The following LPIN2 variants were observed in gnomAD, a reference collection of about 807,000 sequenced individuals.
The protein encoded by LPIN2 is phosphatidate phosphatase LPIN2.
In LPIN2, 55 loss-of-function variants were observed where a neutral mutation model predicts 111.4. The observed-to-expected ratio is 0.49, with a 90% CI of 0.40 to 0.62. The LOEUF is 0.62. LPIN2 is among the 20% of genes least tolerant of loss of function. The pLI is 0.00. For synonymous variants in LPIN2, 425 were observed against 414.0 expected, an observed-to-expected ratio of 1.03 and a Z score of -0.32; for missense variants, 992 against 1,112.1, an observed-to-expected ratio of 0.89 and a Z score of 1.54.
In LPIN2 at chr18:2,928,625, A is replaced by C; in HGVS notation, c.1586T>G (p.Leu529Arg). 6.2e-7 allele frequency: 1 copy of C among 1,613,352 alleles called. No homozygotes were observed. Among genetic ancestry groups the C allele is most frequent in the Non-Finnish European group, 8.5e-7 (1 of 1,179,460 alleles). The change falls in exon 11 of 20, where the codon CTT becomes CGT. Residue 529 changes from leucine to arginine, a missense_variant. Leu to Arg is a moderately radical substitution (Grantham distance 102). Transcript: ENST00000677752. ...YNWALAAPMI[L>R]SLQVFQKSLP... The stretch of plus-strand genomic sequence containing the variant: ...GCTCTTCTGGAATACTTGCAAGCTA[A>C]GGATCATGGGAGCTGCCAAAGCCCA...
At position 2,940,678 on chromosome 18, in the gene LPIN2, A is replaced by G; in HGVS notation, c.625T>C (p.Cys209Arg). The change falls in exon 5 of 20, where the codon TGT becomes CGT. Residue 209 changes from cysteine to arginine, a missense_variant. Cys to Arg is a radical substitution (Grantham distance 180). This residue lies in a region of LPIN2 where 709 missense variants were observed against 753.2 expected (regional missense o/e 0.94). Coordinates refer to ENST00000677752, the MANE Select transcript of LPIN2 (RefSeq NM_001375808.2). ...GAATGGAAGAGCAAAGGCTCTTTAC[A>G]TTCTTCTTCTTTCAAGGAAGCATTT... ...SSNASLKEEECKEPLLFHSGD... is the reference protein window; with the variant it reads ...SSNASLKEEERKEPLLFHSGD... 1 of 1,613,366 alleles carries G rather than the reference A, an allele frequency of 6.2e-7. No homozygotes were observed. The highest frequency in any genetic ancestry group is 1.1e-5 in the South Asian group (1 of 91,078).
intron 1 of LPIN2, among the ~76,000 whole-genome samples, chr18:3,009,441 T>C (rs1684018904): frequency 6.8e-6 from 1 of 146,866 alleles, no homozygotes; most frequent in South Asian, 2.1e-4. Flanking sequence ...TACCATTTTT[T>C]GTTTGTTTGT....
At chr18:2,938,875 T>C (rs1248228859) in intron 6 of LPIN2, among the ~76,000 whole-genome samples, 1 of 152,038 alleles carries the variant, frequency 6.6e-6, no homozygotes, top group Non-Finnish European at 1.5e-5. Flanking sequence ...CAGTGTTGGC[T>C]GGGGATGGCA....
At chr18:2,983,123 TC>T (rs1203544508) in intron 1 of LPIN2, among the ~76,000 whole-genome samples, 1 of 152,108 alleles carries the variant, frequency 6.6e-6, no homozygotes, top group Non-Finnish European at 1.5e-5. Context: ...ACCAATCACA[TC>T]CTCATTTTTT....
chr18:2,996,806 A>C (rs1404820551), intron 1 of LPIN2, among the ~76,000 whole-genome samples: 1 of 152,062 alleles, frequency 6.6e-6, no homozygotes, highest in Non-Finnish European at 1.5e-5. Flanking sequence ...TGAGTATCAT[A>C]TATATCCCAG....
In LPIN2 at chr18:2,962,345, T is replaced by C. The variant is rs145875226; in HGVS notation, c.-9-1496A>G. ...TTGTGCTGCAAAACTTACTCCTAAA[T>C]AACAAAATAAGATGACATCCTTTAT... On this transcript the variant is annotated intron_variant, in intron 1 of 19. Coordinates refer to ENST00000677752, the MANE Select transcript of LPIN2 (RefSeq NM_001375808.2). Among the ~76,000 whole-genome samples, 241 of 152,284 alleles carry C rather than the reference T, an allele frequency of 1.6e-3. 1 individual carries two copies. Among genetic ancestry groups the C allele is most frequent in the Middle Eastern group, 6.8e-3 (2 of 294 alleles).
intron 1 of LPIN2, among the ~76,000 whole-genome samples, chr18:3,009,829 A>C (rs2078572920): frequency 6.6e-6 from 1 of 152,260 alleles, no homozygotes; most frequent in Non-Finnish European, 1.5e-5. Context: ...GCAGAAAAAG[A>C]CTGAATTGCA....
In LPIN2 at chr18:2,928,627, G is replaced by A; in HGVS notation, c.1584C>T (p.Ile528=). The A allele has an allele frequency of 6.2e-7, 1 of 1,612,730 alleles. No homozygotes were observed. The highest frequency in any genetic ancestry group is 8.5e-7 in the Non-Finnish European group (1 of 1,179,168). ...TCTTCTGGAATACTTGCAAGCTAAG[G>A]ATCATGGGAGCTGCCAAAGCCCAGT... ...YYNWALAAPM[I]LSLQVFQKSL... The change falls in exon 11 of 20, where the codon ATC becomes ATT. Residue 528 remains isoleucine, a synonymous_variant. Transcript: ENST00000677752.
rs778440902 is a variant in LPIN2, at chr18:2,923,861, C to T, written c.2088G>A (p.Lys696=). The stretch of plus-strand genomic sequence containing the variant: ...GGAGAATCTGTCCCAAAGCATCCGA[C>T]CTAAGAAGACGGTAGAAACAGGAAA... ...IISDIDGTIT[K]SDALGQILPQ... Residue 696 remains lysine, a splice_region_variant and synonymous_variant, in exon 16 of 20, where the codon AAG becomes AAA. Transcript: ENST00000677752. 19 of 1,613,670 alleles carry T rather than the reference C, an allele frequency of 1.2e-5. 1 individual carries two copies. The Admixed American group carries it at 3.0e-4, about 25-fold the overall frequency.
chr18:2,949,557 C>A (rs1225857594), intron 4 of LPIN2, among the ~76,000 whole-genome samples: 2 of 150,788 alleles, frequency 1.3e-5, no homozygotes, highest in Non-Finnish European at 2.9e-5. Context: ...AGGAGTAAGA[C>A]AGAACACCAC....
At chr18:2,977,804 A>C (rs987828890) in intron 1 of LPIN2, among the ~76,000 whole-genome samples, 3 of 152,246 alleles carry the variant, frequency 2.0e-5, no homozygotes, top group Non-Finnish European at 4.4e-5. Flanking sequence ...TTAATGAAGA[A>C]AAAATGAAGA....
chr18:2,938,322 G>A (rs2077319575), intron 6 of LPIN2, among the ~76,000 whole-genome samples: 1 of 152,116 alleles, frequency 6.6e-6, no homozygotes, highest in Admixed American at 6.5e-5. Context: ...TCAGGAGTTC[G>A]AGATTAGCCT....
At chr18:2,946,578 C>G in intron 4 of LPIN2, 2 of 1,075,698 alleles carry the variant, frequency 1.9e-6, no homozygotes, top group South Asian at 1.3e-5. Context: ...ACACCGGGAA[C>G]AGCAAGAGGA....
intron 1 of LPIN2, among the ~76,000 whole-genome samples, chr18:2,986,977 C>A (rs1206291109): frequency 6.6e-6 from 1 of 151,656 alleles, no homozygotes; most frequent in African/African-American, 2.4e-5. Flanking sequence ...GGGTGGAGGT[C>A]GGGGGTGAAG....
chr18:2,970,546 C>A (rs183822016), intron 1 of LPIN2, among the ~76,000 whole-genome samples: 1 of 152,210 alleles, frequency 6.6e-6, no homozygotes, highest in African/African-American at 2.4e-5. Context: ...AGTTTCTTTG[C>A]GTGGTTGTTC....
At chr18:2,920,940 C>A (rs756922923) in intron 18 of LPIN2, 59 bp from the exon 19 acceptor site, 1 of 1,172,736 alleles carries the variant, frequency 8.5e-7, no homozygotes, top group Non-Finnish European at 1.3e-6. Context: ...AGATACTTCT[C>A]AGGCTCCTTG....
At chr18:2,926,177 G>C (rs1400108047) in intron 13 of LPIN2, among the ~76,000 whole-genome samples, 1 of 152,130 alleles carries the variant, frequency 6.6e-6, no homozygotes, top group Non-Finnish European at 1.5e-5. Flanking sequence ...GATATAGGAT[G>C]GGGGGCGGTA....
At chr18:2,969,517 G>C (rs934084245) in intron 1 of LPIN2, among the ~76,000 whole-genome samples, 17 of 152,174 alleles carry the variant, frequency 1.1e-4, no homozygotes, top group Non-Finnish European at 1.0e-4. Flanking sequence ...TCCACTGTTT[G>C]AAGTCGCAGT....
intron 1 of LPIN2, among the ~76,000 whole-genome samples, chr18:3,008,285 T>C (rs559835252): frequency 1.3e-5 from 2 of 152,132 alleles, no homozygotes; most frequent in African/African-American, 4.8e-5. Context: ...TACAGAAAAG[T>C]ACAAAAATTA....
Sources: gnomAD v4.1 joint callset for allele counts (sites outside exome capture counted in the v4.1 genomes callset) on GRCh38, gnomAD v4.1.1 for gene constraint, gnomAD v4.1.1 regional missense constraint, MANE v1.5 for transcripts, NCBI Gene and HGNC (gene_info 2026-07-23, HGNC 2026-07-21) for gene names.